SCGB2A2: variants seen among roughly 807,000 people sequenced by gnomAD.
SCGB2A2 encodes the protein mammaglobin-A.
SCGB2A2 carries 11 observed loss-of-function variants against 8.8 expected under a neutral mutation model. That is an observed-to-expected ratio of 1.25 (90% CI 0.79 to 2.07). The LOEUF (loss-of-function observed/expected upper bound fraction) is 2.07, where lower values mean the gene tolerates loss of function less well. SCGB2A2 is among the 30% of genes most tolerant of loss of function. The pLI is 0.00. For missense variants in SCGB2A2, 113 were observed against 109.9 expected, an observed-to-expected ratio of 1.03 and a Z score of -0.13; for synonymous variants, 42 against 40.9, an observed-to-expected ratio of 1.03 and a Z score of -0.10.
At chr11:62,271,528 A>G (rs1468341079) in intron 2 of SCGB2A2, 2 of 1,158,304 alleles carry the variant, frequency 1.7e-6, no homozygotes, top group Non-Finnish European at 2.1e-6. Flanking sequence ...CAATCACACC[A>G]GCACACAATC....
chr11:62,272,781 T>A (rs111758276), intron 2 of SCGB2A2, among the ~76,000 whole-genome samples, 176 bp from the exon 3 acceptor site: 48 of 151,270 alleles, frequency 3.2e-4, no homozygotes, highest in African/African-American at 1.1e-3. Context: ...ATTTAAAAAG[T>A]CCATGGTGGG....
intron 2 of SCGB2A2, chr11:62,271,550 AAC>A: frequency 9.1e-7 from 1 of 1,104,722 alleles, no homozygotes; most frequent in Non-Finnish European, 1.1e-6. Flanking sequence ...TCCAGACACA[AAC>A]ACAAACACAC....
At chr11:62,272,255 GA>G (rs61026575) in intron 2 of SCGB2A2, among the ~76,000 whole-genome samples, 81,712 of 142,574 alleles carry the variant, frequency 0.57, 24,593 homozygotes, top group East Asian at 0.76. Context: ...CAGAGACAGT[GA>G]AAAAAAAAAA....
intron 2 of SCGB2A2, chr11:62,271,395 A>C: frequency 7.0e-7 from 1 of 1,427,552 alleles, no homozygotes; most frequent in Non-Finnish European, 9.1e-7. Context: ...ACACAGAAAC[A>C]CACATACACA....
intron 2 of SCGB2A2, chr11:62,271,404 C>T: frequency 3.5e-6 from 5 of 1,416,622 alleles, no homozygotes; most frequent in Non-Finnish European, 2.7e-6. Context: ...CACACATACA[C>T]ACATCCAGAC....
chr11:62,270,472 T>A (rs1391349518), intron 1 of SCGB2A2, among the ~76,000 whole-genome samples: 1 of 152,202 alleles, frequency 6.6e-6, no homozygotes. Context: ...CCCAAAGTGC[T>A]GGGATTATAG....
At chr11:62,272,269 CAG>C (rs1383484977) in intron 2 of SCGB2A2, among the ~76,000 whole-genome samples, 1 of 141,688 alleles carries the variant, frequency 7.1e-6, no homozygotes, top group African/African-American at 2.6e-5. Flanking sequence ...AAAAAAAAAA[CAG>C]TGGTTGTCAG....
Position 62,270,973 on chromosome 11 carries a change from A to G in SCGB2A2, c.148A>G (p.Ile50Val). 1 of 1,614,156 alleles carries G rather than the reference A, an allele frequency of 6.2e-7. No individual in the cohort carries two copies. Reference protein sequence around the residue: ...TEYKELLQEFIDDNATTNAID... With the variant: ...TEYKELLQEFVDDNATTNAID... Reference sequence around the variant, plus strand: ...ATACAAAGAACTTCTTCAAGAGTTCATAGACGACAATGCCACTACAAATGC... The same window carrying G: ...ATACAAAGAACTTCTTCAAGAGTTCGTAGACGACAATGCCACTACAAATGC... Residue 50 changes from isoleucine to valine, a missense_variant, in exon 2 of 3, where the codon ATA becomes GTA. Transcript: ENST00000227918.
intron 2 of SCGB2A2, chr11:62,272,006 T>C (rs917331571): frequency 3.8e-6 from 3 of 782,494 alleles, no homozygotes; most frequent in Non-Finnish European, 4.6e-6. Context: ...TTAGCATTTA[T>C]TCCCTATGTT....
At position 62,270,179 on chromosome 11, in the gene SCGB2A2, G is replaced by C. The variant is rs368156432; in HGVS notation, c.-38G>C. On this transcript the variant is annotated 5_prime_UTR_variant, in exon 1 of 3. Transcript: ENST00000227918. Reference sequence around the variant, plus strand: ...CTCCACAGCGGCTTCCTTGATCCTTGCCACCCGCGACTGAACACCGACAGC... The same window carrying C: ...CTCCACAGCGGCTTCCTTGATCCTTCCCACCCGCGACTGAACACCGACAGC... 1.2e-6 allele frequency: 2 copies of C among 1,610,382 alleles called. No individual in the cohort carries two copies. Among genetic ancestry groups the C allele is most frequent in the Non-Finnish European group, 1.7e-6 (2 of 1,177,036 alleles).
At chr11:62,271,274 A>G (rs966588719) in intron 2 of SCGB2A2, 1 of 1,461,492 alleles carries the variant, frequency 6.8e-7, no homozygotes, top group Non-Finnish European at 9.0e-7. Context: ...GAGAATCCTC[A>G]GTGGATGATA....
rs137975337 is a variant in SCGB2A2, at chr11:62,270,267, C to A, written c.51C>A (p.Tyr17Ter). The change falls in exon 1 of 3, where the codon TAC (tyrosine) becomes TAA (stop). Residue 17 changes from tyrosine to a stop codon, truncating the protein, a stop_gained. Transcript: ENST00000227918. LOFTEE classifies it high-confidence loss of function. The part of the protein sequence containing the change: ...LMLAALSQHC[Y>*]AGSGCPLLEN... ...TGGCGGCCCTCTCCCAGCACTGCTA[C>A]GCAGGTGAGTTCTGTGCAGGGAGGG... The A allele has an allele frequency of 6.2e-7, 1 of 1,613,872 alleles. No individual in the cohort carries two copies. Among genetic ancestry groups the A allele is most frequent in the Non-Finnish European group, 8.5e-7 (1 of 1,179,916 alleles).
chr11:62,272,792 G>A (rs896003391), intron 2 of SCGB2A2, among the ~76,000 whole-genome samples, 165 bp from the exon 3 acceptor site: 3 of 152,034 alleles, frequency 2.0e-5, no homozygotes, highest in Non-Finnish European at 2.9e-5. Flanking sequence ...CCATGGTGGG[G>A]GAAATGATCC....
chr11:62,270,952 A>G lies in SCGB2A2; in HGVS notation c.127A>G (p.Lys43Glu). 6.2e-7 allele frequency: 1 copy of G among 1,614,170 alleles called. No individual in the cohort carries two copies. The highest frequency in any genetic ancestry group is 8.5e-7 in the Non-Finnish European group (1 of 1,179,984). ...TCCACAAGTGTCTAAGACTGAATAC[A>G]AAGAACTTCTTCAAGAGTTCATAGA... ...INPQVSKTEY[K>E]ELLQEFIDDN... The change falls in exon 2 of 3, where the codon AAA becomes GAA. Residue 43 changes from lysine to glutamate, a missense_variant. Coordinates refer to ENST00000227918, the MANE Select transcript of SCGB2A2 (RefSeq NM_002411.4).
Position 62,271,018 on chromosome 11 carries a change from T to C in SCGB2A2, c.193T>C (p.Cys65Arg). 6.2e-7 allele frequency: 1 copy of C among 1,614,236 alleles called. No homozygotes were observed. Among genetic ancestry groups the C allele is most frequent in the Non-Finnish European group, 8.5e-7 (1 of 1,180,034 alleles). The change falls in exon 2 of 3, where the codon TGT (cysteine) becomes CGT (arginine). Residue 65 changes from cysteine (C) to arginine (R), a missense_variant. Physicochemically the swap from Cys to Arg is radical, Grantham distance 180. Coordinates refer to ENST00000227918, the MANE Select transcript of SCGB2A2 (RefSeq NM_002411.4). ...TTNAIDELKE[C>R]FLNQTDETLS... The stretch of plus-strand genomic sequence containing the variant: ...AAATGCCATAGATGAATTGAAGGAA[T>C]GTTTTCTTAACCAAACGGATGAAAC...
intron 2 of SCGB2A2, 102 bp from the exon 3 acceptor site, chr11:62,272,855 T>C: frequency 1.2e-6 from 1 of 807,902 alleles, no homozygotes; most frequent in East Asian, 2.6e-5. Context: ...TGCTAGATGG[T>C]TGTGGGCAAA....
chr11:62,270,211 C>A lies in SCGB2A2; in HGVS notation c.-6C>A, dbSNP rs751183497. The stretch of plus-strand genomic sequence containing the variant: ...GCGACTGAACACCGACAGCAGCAGC[C>A]TCACCATGAAGTTGCTGATGGTCCT... On this transcript the variant is annotated 5_prime_UTR_variant, in exon 1 of 3. Transcript: ENST00000227918. 2.5e-6 allele frequency: 4 copies of A among 1,613,942 alleles called. No individual in the cohort carries two copies. In the South Asian group the frequency reaches 4.4e-5, roughly 18 times the overall value.
Position 62,272,953 on chromosome 11 carries a change from C to T in SCGB2A2, c.244-4C>T. 1 of 1,597,730 alleles carries T rather than the reference C, an allele frequency of 6.3e-7. No homozygotes were observed. On this transcript the variant is annotated splice_polypyrimidine_tract_variant and splice_region_variant and intron_variant, in intron 2 of 2. Transcript: ENST00000227918. ...TAAGTGATGTCTCTGTTTTTGCTTT[C>T]TAGCAATTAATATATGACAGCAGTC...
chr11:62,271,225 A>G (rs1358704261), intron 2 of SCGB2A2, 157 bp downstream of exon 2: 2 of 1,519,388 alleles, frequency 1.3e-6, no homozygotes. Context: ...TTTGCCATCA[A>G]GAAAAACATC....
Sources: gnomAD v4.1 joint callset for allele counts (sites outside exome capture counted in the v4.1 genomes callset) on GRCh38, gnomAD v4.1.1 for gene constraint, MANE v1.5 for transcripts, NCBI Gene and HGNC (gene_info 2026-07-23, HGNC 2026-07-21) for gene names.